The following NFIL3 variants were observed in gnomAD, a reference collection of about 807,000 sequenced individuals.
The protein encoded by NFIL3 is nuclear factor interleukin-3-regulated protein.
Under a neutral mutation model 10.0 loss-of-function variants are expected in NFIL3, and 5 were observed. The observed-to-expected ratio is 0.50, with a 90% CI of 0.26 to 1.06. The LOEUF (loss-of-function observed/expected upper bound fraction) is 1.06, where lower values mean the gene tolerates loss of function less well. Among genes scored for constraint, NFIL3 ranks in the 50% least tolerant of loss-of-function variants. The pLI, the probability that NFIL3 is intolerant of heterozygous loss-of-function variation, is 0.13. For missense variants in NFIL3, 436 were observed against 547.6 expected (o/e 0.80, Z 2.03); for synonymous variants, 202 against 206.5 (o/e 0.98, Z 0.19).
chr9:91,483,412 C>T, the NFIL3 span, among the ~76,000 whole-genome samples: 1 of 152,118 alleles, frequency 6.6e-6, no homozygotes, highest in East Asian at 1.9e-4. Context: ...TTCTTCTGTC[C>T]CCAGCAGGAG....
the NFIL3 span, among the ~76,000 whole-genome samples, chr9:91,440,037 T>C: frequency 6.6e-6 from 1 of 152,188 alleles, no homozygotes; most frequent in Non-Finnish European, 1.5e-5. Flanking sequence ...ATAAAGTATG[T>C]TTGGGAGTAT....
the NFIL3 span, among the ~76,000 whole-genome samples, chr9:91,430,592 A>G: frequency 6.6e-6 from 1 of 152,206 alleles, no homozygotes; most frequent in Non-Finnish European, 1.5e-5. Flanking sequence ...CCATTGAAGC[A>G]GAGGCAGAAG....
the NFIL3 span, among the ~76,000 whole-genome samples, chr9:91,444,496 C>T: frequency 2.9e-4 from 44 of 152,180 alleles, no homozygotes; most frequent in East Asian, 9.7e-4. Flanking sequence ...ATATTTCCTT[C>T]GTTTTTTGTG....
rs1249434898 is a variant in NFIL3 at position 91,410,238 on chromosome 9, T to C, written c.497A>G (p.His166Arg). The C allele has an allele frequency of 6.2e-7, 1 of 1,614,078 alleles. No homozygotes were observed. Among genetic ancestry groups the C allele is most frequent in the African/African-American group, 1.3e-5 (1 of 74,920 alleles). The change falls in exon 2 of 2, where the codon CAC (histidine) becomes CGC (arginine). Residue 166 changes from histidine to arginine, a missense_variant. By Grantham distance (29) the His-to-Arg change is conservative. Coordinates refer to ENST00000297689, the MANE Select transcript of NFIL3 (RefSeq NM_005384.3). The surrounding 1 kb of genome is among the most constrained non-coding windows in gnomAD (Gnocchi z 5.7). ...KSNVSSFVDE[H>R]EPSMVSSSCI... ...ACTACTTGACACCATCGAGGGTTCG[T>C]GCTCGTCCACAAATGAACTCACATT...
rs751495802 is a variant in NFIL3 at position 91,409,390 on chromosome 9, T to G, written c.1345A>C (p.Arg449=). 2 of 1,606,424 alleles carry G rather than the reference T, an allele frequency of 1.2e-6. No homozygotes were observed. Among genetic ancestry groups the G allele is most frequent in the East Asian group, 4.5e-5 (2 of 44,860 alleles). ...GAGATTGGTTGTGTGGCTATAAGTC[T>G]CTTGAGTGAGACAACCTCTGCAGAT... The part of the protein sequence containing the change: ...NLSAEVVSLK[R]LIATQPISAS... The change falls in exon 2 of 2, where the codon AGA becomes CGA. Residue 449 remains arginine (R), a synonymous_variant. Coordinates refer to ENST00000297689, the MANE Select transcript of NFIL3 (RefSeq NM_005384.3).
the NFIL3 span, among the ~76,000 whole-genome samples, chr9:91,477,831 CT>C: frequency 3.3e-5 from 5 of 151,160 alleles, no homozygotes; most frequent in Admixed American, 6.6e-5. Context: ...TATTCTTTTT[CT>C]TTTTTTTTAA....
the NFIL3 span, among the ~76,000 whole-genome samples, chr9:91,449,885 T>C: frequency 6.6e-6 from 1 of 152,108 alleles, no homozygotes; most frequent in East Asian, 1.9e-4. Context: ...CTTCACTTGT[T>C]ATATAGGTCT....
chr9:91,429,124 A>C, the NFIL3 span, among the ~76,000 whole-genome samples: 1 of 152,262 alleles, frequency 6.6e-6, no homozygotes, highest in Admixed American at 6.5e-5. Context: ...AGACAGGTCC[A>C]CATTGCAATC....
At chr9:91,441,953 T>C in the NFIL3 span, among the ~76,000 whole-genome samples, 4 of 152,236 alleles carry the variant, frequency 2.6e-5, no homozygotes, top group Admixed American at 2.0e-4. Context: ...TGGAGTATTC[T>C]GAATTTGAGT....
the NFIL3 span, among the ~76,000 whole-genome samples, chr9:91,449,383 C>T: frequency 6.6e-6 from 1 of 152,066 alleles, no homozygotes; most frequent in Non-Finnish European, 1.5e-5. Flanking sequence ...CCCTCCTCTA[C>T]CTAGTTTTCT....
chr9:91,470,559 C>G, the NFIL3 span, among the ~76,000 whole-genome samples: 1 of 152,158 alleles, frequency 6.6e-6, no homozygotes, highest in Non-Finnish European at 1.5e-5. Context: ...TTGCCTTCTG[C>G]TAGCTTTTGA....
chr9:91,470,809 T>C, the NFIL3 span, among the ~76,000 whole-genome samples: 1 of 152,228 alleles, frequency 6.6e-6, no homozygotes, highest in Non-Finnish European at 1.5e-5. Flanking sequence ...GGTTGTTCAG[T>C]TTCCATGTAG....
chr9:91,456,554 G>C, the NFIL3 span, among the ~76,000 whole-genome samples: 24 of 151,980 alleles, frequency 1.6e-4, no homozygotes, highest in African/African-American at 5.8e-4. Context: ...TTATTGGATT[G>C]CTTGTTTTCT....
the NFIL3 span, among the ~76,000 whole-genome samples, chr9:91,456,967 A>G: frequency 1.3e-5 from 2 of 151,964 alleles, no homozygotes; most frequent in Non-Finnish European, 2.9e-5. Context: ...GTGTCCCAGC[A>G]CTGTTTGTTG....
intron 1 of NFIL3, among the ~76,000 whole-genome samples, chr9:91,419,761 G>A (rs551153547): frequency 5.9e-5 from 9 of 152,354 alleles, no homozygotes; most frequent in South Asian, 4.1e-4. Flanking sequence ...AGTATCAAAA[G>A]GCAACGATGC....
At chr9:91,414,281 G>A (rs1382706476) in intron 1 of NFIL3, among the ~76,000 whole-genome samples, 2 of 152,182 alleles carry the variant, frequency 1.3e-5, no homozygotes, top group Non-Finnish European at 2.9e-5. Context: ...TTGGCTCACC[G>A]CAACCTCTGC....
the NFIL3 span, among the ~76,000 whole-genome samples, chr9:91,473,722 T>C: frequency 9.2e-5 from 14 of 152,208 alleles, no homozygotes; most frequent in Non-Finnish European, 1.8e-4. Context: ...GCACCTACTG[T>C]CCAACCAGTC....
upstream of NFIL3, among the ~76,000 whole-genome samples, chr9:91,424,574 G>T (rs552338691): frequency 6.6e-6 from 1 of 152,196 alleles, no homozygotes; most frequent in African/African-American, 2.4e-5. Flanking sequence ...AGCCGCGACG[G>T]CCCGGAGCCG....
chr9:91,455,398 G>GTTTA, the NFIL3 span, among the ~76,000 whole-genome samples: 49 of 151,924 alleles, frequency 3.2e-4, no homozygotes, highest in African/African-American at 1.1e-3. Flanking sequence ...CATTTTATTT[G>GTTTA]TTTATTTATT....
Sources: gnomAD v4.1 joint callset for allele counts (sites outside exome capture counted in the v4.1 genomes callset) on GRCh38, gnomAD v4.1.1 for gene constraint, Gnocchi (gnomAD v3.1) non-coding constraint, MANE v1.5 for transcripts, NCBI Gene and HGNC (gene_info 2026-07-23, HGNC 2026-07-21) for gene names.